The following PIK3AP1 variants were observed in gnomAD, a reference collection of about 807,000 sequenced individuals.
The protein encoded by PIK3AP1 is phosphoinositide 3-kinase adapter protein 1.
In PIK3AP1, 21 loss-of-function variants were observed where a neutral mutation model predicts 88.1. The ratio of observed to expected loss-of-function variants is 0.24; its 90% CI spans 0.17 to 0.34. The LOEUF (loss-of-function observed/expected upper bound fraction) is 0.34, where lower values mean the gene tolerates loss of function less well. Among genes scored for constraint, PIK3AP1 ranks in the 10% least tolerant of loss-of-function variants. PIK3AP1 has a pLI of 1.00. For synonymous variants in PIK3AP1, 398 were observed against 400.0 expected (o/e 1.00, Z 0.06); for missense variants, 828 against 1,035.7 (o/e 0.80, Z 2.75).
chr10:96,661,303 T>C (rs894393665), intron 2 of PIK3AP1, among the ~76,000 whole-genome samples: 3 of 152,080 alleles, frequency 2.0e-5, no homozygotes, highest in African/African-American at 2.4e-5. Context: ...AAAGAATGAA[T>C]AGGCAGAGCA....
At chr10:96,661,792 T>C (rs957109560) in intron 2 of PIK3AP1, among the ~76,000 whole-genome samples, 1 of 141,244 alleles carries the variant, frequency 7.1e-6, no homozygotes, top group African/African-American at 2.7e-5. Flanking sequence ...AAGGACAGGA[T>C]AGGACAGGAC....
At chr10:96,628,269 T>A in intron 9 of PIK3AP1, 129 bp downstream of exon 9, 1 of 832,132 alleles carries the variant, frequency 1.2e-6, no homozygotes, top group South Asian at 1.5e-5. Context: ...AGTGCCTTTA[T>A]TCACATCACA....
At chr10:96,596,102 A>G (rs1222235247) in intron 16 of PIK3AP1, among the ~76,000 whole-genome samples, 3 of 152,048 alleles carry the variant, frequency 2.0e-5, no homozygotes, top group African/African-American at 7.2e-5. Flanking sequence ...ATGCAAACCA[A>G]CCAGTCCAGA....
intron 16 of PIK3AP1, among the ~76,000 whole-genome samples, chr10:96,596,165 C>T (rs961170231): frequency 2.0e-5 from 3 of 152,306 alleles, no homozygotes; most frequent in Non-Finnish European, 4.4e-5. Context: ...CTTTATGGGG[C>T]CACCATCCAC....
intron 2 of PIK3AP1, among the ~76,000 whole-genome samples, chr10:96,693,295 C>T (rs142287608): frequency 5.3e-4 from 80 of 152,286 alleles, no homozygotes; most frequent in African/African-American, 1.8e-3. Context: ...CCCACCCCAC[C>T]CTGCTCTTCT....
At chr10:96,688,152 C>T (rs1000987280) in intron 2 of PIK3AP1, among the ~76,000 whole-genome samples, 2 of 152,212 alleles carry the variant, frequency 1.3e-5, no homozygotes, top group African/African-American at 2.4e-5. Flanking sequence ...CACCTCATGG[C>T]ATTTTCACTG....
At chr10:96,669,768 A>C (rs1425137252) in intron 2 of PIK3AP1, among the ~76,000 whole-genome samples, 1 of 150,542 alleles carries the variant, frequency 6.6e-6, no homozygotes, top group Non-Finnish European at 1.5e-5. Flanking sequence ...TCAAAAAAAC[A>C]CAAAAAACAA....
At chr10:96,692,488 C>T (rs2134275057) in intron 2 of PIK3AP1, among the ~76,000 whole-genome samples, 1 of 151,956 alleles carries the variant, frequency 6.6e-6, no homozygotes, top group African/African-American at 2.4e-5. Flanking sequence ...GCAGCAGAAT[C>T]GCTTGAACCA....
At chr10:96,711,739 A>ATTTT (rs763923650) in intron 1 of PIK3AP1, among the ~76,000 whole-genome samples, 3,410 of 66,360 alleles carry the variant, frequency 0.051, 484 homozygotes, top group East Asian at 0.11. Flanking sequence ...AGATTACCAA[A>ATTTT]TTTTTTTTTT....
At position 96,598,044 on chromosome 10, in the gene PIK3AP1, GTT is replaced by G. The variant is rs34971365; in HGVS notation, c.2361-2412_2361-2411del. Among the ~76,000 whole-genome samples the G allele has an allele frequency of 1.1e-3, 126 of 115,900 alleles. No homozygotes were observed. The Middle Eastern group carries it at 0.021, about 19-fold the overall frequency. The allele number at this position is 115,900 out of a possible 152,430, so 76.0% of individuals were successfully genotyped here. ...AGTGGGTTTTTTTTGTTTTTTTGTT[GTT>G]TTTTTTTTTTTTTTTGAGACATGGA... On this transcript the variant is annotated intron_variant, in intron 16 of 16. Transcript: ENST00000339364.
At chr10:96,699,949 G>T (rs1205338185) in intron 2 of PIK3AP1, among the ~76,000 whole-genome samples, 1 of 152,212 alleles carries the variant, frequency 6.6e-6, no homozygotes, top group African/African-American at 2.4e-5. Flanking sequence ...TTCTCTTCTA[G>T]TAATAGTGCC....
chr10:96,648,104 G>C (rs1182609267), intron 7 of PIK3AP1, among the ~76,000 whole-genome samples: 1 of 152,172 alleles, frequency 6.6e-6, no homozygotes, highest in Admixed American at 6.5e-5. Context: ...GTGGGCCTTA[G>C]AGTTGCTGCC....
intron 8 of PIK3AP1, among the ~76,000 whole-genome samples, chr10:96,634,010 A>T (rs1843280818): frequency 6.6e-6 from 1 of 152,180 alleles, no homozygotes; most frequent in African/African-American, 2.4e-5. Context: ...AGGGTCTGCC[A>T]CTGTGGTCCA....
At chr10:96,614,064 C>T (rs980248166) in intron 13 of PIK3AP1, among the ~76,000 whole-genome samples, 3 of 152,126 alleles carry the variant, frequency 2.0e-5, no homozygotes, top group Non-Finnish European at 4.4e-5. Flanking sequence ...TCTGCATGTG[C>T]GTCTGTCCTG....
intron 2 of PIK3AP1, among the ~76,000 whole-genome samples, chr10:96,696,725 G>C (rs1272922019): frequency 6.6e-6 from 1 of 152,090 alleles, no homozygotes; most frequent in Non-Finnish European, 1.5e-5. Context: ...TATCCACACA[G>C]ATAATGGTAT....
At chr10:96,698,172 G>A (rs1844246740) in intron 2 of PIK3AP1, among the ~76,000 whole-genome samples, 2 of 152,216 alleles carry the variant, frequency 1.3e-5, no homozygotes, top group South Asian at 4.1e-4. Flanking sequence ...CATTAGTTCT[G>A]ATGGTAAGCT....
At chr10:96,689,487 G>A (rs1020196922) in intron 2 of PIK3AP1, among the ~76,000 whole-genome samples, 4 of 148,198 alleles carry the variant, frequency 2.7e-5, no homozygotes, top group Non-Finnish European at 4.5e-5. Context: ...GGAGAATGGC[G>A]TGAACCCAAG....
At chr10:96,640,440 A>C (rs1843368982) in intron 8 of PIK3AP1, among the ~76,000 whole-genome samples, 1 of 152,100 alleles carries the variant, frequency 6.6e-6, no homozygotes, top group South Asian at 2.1e-4. Flanking sequence ...ACACAAAATT[A>C]ATTACCTAGG....
chr10:96,619,301 T>C (rs1843043192), intron 12 of PIK3AP1: 1 of 152,176 alleles, frequency 6.6e-6, no homozygotes, highest in Non-Finnish European at 1.5e-5. Flanking sequence ...CCTGGACGGG[T>C]GCTGCTTACT....
Sources: gnomAD v4.1 joint callset for allele counts (sites outside exome capture counted in the v4.1 genomes callset) on GRCh38, gnomAD v4.1.1 for gene constraint, MANE v1.5 for transcripts, NCBI Gene and HGNC (gene_info 2026-07-23, HGNC 2026-07-21) for gene names.